The following CD164 variants were observed in gnomAD, a reference collection of about 807,000 sequenced individuals.
The protein encoded by CD164 is CD164 molecule, also known as sialomucin core protein 24.
CD164 carries 11 observed loss-of-function variants against 24.6 expected under a neutral mutation model. The ratio of observed to expected loss-of-function variants is 0.45; its 90% CI spans 0.28 to 0.74. CD164 has a LOEUF of 0.74. Among genes scored for constraint, CD164 ranks in the 30% least tolerant of loss-of-function variants. The pLI, the probability that CD164 is intolerant of heterozygous loss-of-function variation, is 0.13. For synonymous variants in CD164, 126 were observed against 100.3 expected (o/e 1.26, Z -1.53); for missense variants, 295 against 243.7 (o/e 1.21, Z -1.40).
intron 2 of CD164, among the ~76,000 whole-genome samples, chr6:109,378,275 A>G (rs972754525): frequency 6.6e-6 from 1 of 152,176 alleles, no homozygotes; most frequent in African/African-American, 2.4e-5. Flanking sequence ...CTACTGTACA[A>G]TCAAGAAAGG....
At chr6:109,382,128 C>G (rs373973775) in intron 1 of CD164, 76 bp downstream of exon 1, 45 of 1,273,112 alleles carry the variant, frequency 3.5e-5, no homozygotes, top group Non-Finnish European at 4.3e-5. Flanking sequence ...GAACCCGGGC[C>G]CCGCCCGCAC....
At chr6:109,373,054 AT>A (rs1008026788) in intron 4 of CD164, among the ~76,000 whole-genome samples, 12 of 152,292 alleles carry the variant, frequency 7.9e-5, no homozygotes, top group South Asian at 4.1e-4. Context: ...TTAAAAAAAA[AT>A]AATAATAATC....
At chr6:109,379,882 T>C (rs1284645196) in intron 1 of CD164, 7 of 455,296 alleles carry the variant, frequency 1.5e-5, no homozygotes, top group Admixed American at 4.0e-5. Flanking sequence ...TCACTCTCAG[T>C]ACAGTGCCTG....
chr6:109,376,141 T>C, intron 3 of CD164, 29 bp from the exon 4 acceptor site: 1 of 1,522,372 alleles, frequency 6.6e-7, no homozygotes, highest in Non-Finnish European at 8.8e-7. Context: ...AGAAAAACCA[T>C]ATACATCAAA....
intron 2 of CD164, among the ~76,000 whole-genome samples, chr6:109,379,271 CCAAGGTTGGA>C (rs1771599333): frequency 6.6e-6 from 1 of 152,126 alleles, no homozygotes; most frequent in East Asian, 1.9e-4. Flanking sequence ...ACTAGGGAGG[CCAAGGTTGGA>C]GGATTGCTTG....
intron 1 of CD164, chr6:109,381,730 C>T (rs1000262270): frequency 1.7e-6 from 1 of 592,152 alleles, no homozygotes; most frequent in Non-Finnish European, 3.0e-6. Flanking sequence ...TTTCTCTTTC[C>T]CGGACTTCCG....
chr6:109,378,489 G>A (rs958342280), intron 2 of CD164, among the ~76,000 whole-genome samples: 2 of 151,720 alleles, frequency 1.3e-5, no homozygotes, highest in African/African-American at 2.4e-5. Context: ...GTCAGGGTCT[G>A]TATTAAGAGG....
At chr6:109,373,332 A>T (rs1196067267) in intron 4 of CD164, among the ~76,000 whole-genome samples, 1 of 152,212 alleles carries the variant, frequency 6.6e-6, no homozygotes, top group African/African-American at 2.4e-5. Flanking sequence ...ACACCCTTCT[A>T]TATAAATTAG....
intron 2 of CD164, among the ~76,000 whole-genome samples, chr6:109,378,508 C>CA (rs1771548832): frequency 6.6e-6 from 1 of 151,758 alleles, no homozygotes; most frequent in Non-Finnish European, 1.5e-5. Context: ...GGTTAGTAAA[C>CA]AGATGAGGCA....
chr6:109,371,550 G>A, intron 4 of CD164: 1 of 153,872 alleles, frequency 6.5e-6, no homozygotes. Flanking sequence ...CGTCCAGCCA[G>A]TATATCACCT....
intron 4 of CD164, among the ~76,000 whole-genome samples, chr6:109,374,188 C>T (rs1771269188): frequency 6.6e-6 from 1 of 152,152 alleles, no homozygotes; most frequent in Non-Finnish European, 1.5e-5. Context: ...CTATATGCTC[C>T]TCCAGTGCCT....
intron 1 of CD164, among the ~76,000 whole-genome samples, chr6:109,381,030 T>A (rs190977102): frequency 4.6e-5 from 7 of 152,184 alleles, no homozygotes; most frequent in Non-Finnish European, 7.3e-5. Flanking sequence ...AGAGGAGAAT[T>A]TGTAGAATAT....
intron 1 of CD164, 190 bp downstream of exon 1, chr6:109,382,014 G>T: frequency 2.3e-6 from 1 of 430,414 alleles, no homozygotes; most frequent in African/African-American, 2.1e-5. Context: ...TCCCCCCAGC[G>T]CGCTCCCCAC....
chr6:109,379,516 T>C, intron 2 of CD164, 63 bp downstream of exon 2: 1 of 1,212,942 alleles, frequency 8.2e-7, no homozygotes, highest in Non-Finnish European at 1.2e-6. Context: ...TTTCAAGTGT[T>C]CAAGAATTAC....
intron 1 of CD164, among the ~76,000 whole-genome samples, chr6:109,380,822 G>A (rs1186623474): frequency 6.6e-6 from 1 of 152,094 alleles, no homozygotes; most frequent in Non-Finnish European, 1.5e-5. Context: ...CTACAATTCT[G>A]AAAGGAAACT....
rs1770850850 is a variant in CD164 at position 109,367,828 on chromosome 6, C to A, written c.*1023G>T. ...AAAATAATGTATATCCTTCTTGCCTCACCAAAGAAGTCACTACTCAAGACA... is the reference window on the plus strand; with the variant it reads ...AAAATAATGTATATCCTTCTTGCCTAACCAAAGAAGTCACTACTCAAGACA... On this transcript the variant is annotated 3_prime_UTR_variant, in exon 6 of 6. Transcript: ENST00000310786. 1 of 152,902 alleles carries A rather than the reference C, an allele frequency of 6.5e-6. No individual in the cohort carries two copies. The highest frequency in any genetic ancestry group is 1.5e-5 in the Non-Finnish European group (1 of 68,206). The allele number at this position is 152,902 out of a possible 1,614,324, so 9.5% of individuals were successfully genotyped here.
chr6:109,377,752 A>G (rs1314838024), intron 3 of CD164, 148 bp downstream of exon 3: 2 of 618,452 alleles, frequency 3.2e-6, no homozygotes, highest in South Asian at 2.0e-5. Context: ...TTAATCAATC[A>G]ATATGAATAT....
At chr6:109,370,371 C>G (rs766612188) in intron 5 of CD164, 40 bp downstream of exon 5, 4 of 1,489,192 alleles carry the variant, frequency 2.7e-6, no homozygotes. Context: ...ACATCGTGCA[C>G]ACATCCTGCA....
chr6:109,377,771 T>A (rs559312735), intron 3 of CD164, 129 bp downstream of exon 3: 1 of 707,970 alleles, frequency 1.4e-6, no homozygotes, highest in African/African-American at 1.7e-5. Flanking sequence ...ATACTATTCA[T>A]ATTCCAATTC....
Sources: allele counts gnomAD v4.1 joint callset (sites outside exome capture counted in the v4.1 genomes callset), GRCh38; gene constraint gnomAD v4.1.1; transcripts MANE v1.5; gene names NCBI Gene and HGNC (gene_info 2026-07-23, HGNC 2026-07-21).